The following PDS5B variants were observed in gnomAD, a reference collection of about 807,000 sequenced individuals.
PDS5B encodes the protein sister chromatid cohesion protein PDS5 homolog B.
In PDS5B, 51 loss-of-function variants were observed where a neutral mutation model predicts 184.1. The observed-to-expected ratio is 0.28, with a 90% CI of 0.22 to 0.35. PDS5B has a LOEUF of 0.35. Ranked by LOEUF, PDS5B falls within the 10% of genes least tolerant of loss-of-function variation. The pLI is 1.00. For missense variants in PDS5B, 1,180 were observed against 1,723.3 expected (o/e 0.68, Z 5.58); for synonymous variants, 566 against 569.2 (o/e 0.99, Z 0.08).
intron 23 of PDS5B, among the ~76,000 whole-genome samples, chr13:32,744,338 G>A (rs566805471): frequency 6.6e-6 from 1 of 152,220 alleles, no homozygotes; most frequent in Admixed American, 6.5e-5. Flanking sequence ...AATATTTAGG[G>A]GCAGCCTAGA....
intron 16 of PDS5B, 38 bp downstream of exon 16, chr13:32,699,907 C>T (rs761889872): frequency 1.3e-6 from 2 of 1,504,808 alleles, no homozygotes; most frequent in Admixed American, 2.7e-5. Context: ...AAAAAGCCCC[C>T]AAATCTTCTT....
At chr13:32,696,803 A>G in intron 14 of PDS5B, 51 bp from the exon 15 acceptor site, 1 of 1,323,734 alleles carries the variant, frequency 7.6e-7, no homozygotes, top group Middle Eastern at 1.8e-4. Flanking sequence ...AGTATGATGA[A>G]GTTTTCTTGT....
intron 1 of PDS5B, among the ~76,000 whole-genome samples, chr13:32,636,148 A>G (rs957688544): frequency 3.3e-5 from 5 of 152,188 alleles, no homozygotes; most frequent in African/African-American, 4.8e-5. Flanking sequence ...ACCTCTTGTC[A>G]TTGCTCTGCC....
At chr13:32,653,099 G>A (rs1385898303) in intron 3 of PDS5B, among the ~76,000 whole-genome samples, 1 of 152,126 alleles carries the variant, frequency 6.6e-6, no homozygotes, top group Non-Finnish European at 1.5e-5. Flanking sequence ...TTCGAAACCA[G>A]CCTGGCCAAC....
chr13:32,769,596 T>C (rs1341692689), intron 31 of PDS5B, among the ~76,000 whole-genome samples: 1 of 152,212 alleles, frequency 6.6e-6, no homozygotes, highest in Non-Finnish European at 1.5e-5. Context: ...TCAGAAGTGT[T>C]TCCAAAATTT....
chr13:32,691,509 A>T (rs971761764), intron 13 of PDS5B, among the ~76,000 whole-genome samples: 2 of 152,110 alleles, frequency 1.3e-5, no homozygotes, highest in African/African-American at 2.4e-5. Context: ...AATTTAATAT[A>T]CACATGCAAG....
At chr13:32,725,738 A>G (rs1312366007) in intron 19 of PDS5B, among the ~76,000 whole-genome samples, 1 of 152,212 alleles carries the variant, frequency 6.6e-6, no homozygotes, top group Non-Finnish European at 1.5e-5. Flanking sequence ...GCACAGGATA[A>G]CAACACTATA....
chr13:32,687,141 T>C lies in PDS5B; in HGVS notation c.1211T>C (p.Val404Ala), dbSNP rs1331031039. The C allele has an allele frequency of 4.4e-6, 7 of 1,600,732 alleles. No individual in the cohort carries two copies. Residue 404 changes from valine (V) to alanine (A), a missense_variant, in exon 12 of 35, where the codon GTA (valine) becomes GCA (alanine). This residue lies in a region of PDS5B where 475 missense variants were observed against 691.5 expected (regional missense o/e 0.69). Transcript: ENST00000315596. ...RERTLDKRWRVRKEAMMGLAQ... is the reference protein window; with the variant it reads ...RERTLDKRWRARKEAMMGLAQ... ...AAACTTTTTGTTTTTAAGTGGAGAG[T>C]ACGCAAAGAAGCCATGATGGGACTT...
At chr13:32,703,201 A>C (rs1362342555) in intron 17 of PDS5B, among the ~76,000 whole-genome samples, 1 of 152,260 alleles carries the variant, frequency 6.6e-6, no homozygotes, top group African/African-American at 2.4e-5. Flanking sequence ...GAATGGATTA[A>C]TCTGCTCAGA....
chr13:32,746,983 C>T (rs1218443960), intron 24 of PDS5B, among the ~76,000 whole-genome samples: 2 of 152,070 alleles, frequency 1.3e-5, no homozygotes, highest in African/African-American at 2.4e-5. Context: ...ACAACAGTAT[C>T]GAAATTTATA....
intron 19 of PDS5B, among the ~76,000 whole-genome samples, chr13:32,713,513 G>T (rs977768614): frequency 1.3e-5 from 2 of 152,122 alleles, no homozygotes; most frequent in African/African-American, 4.8e-5. Context: ...ACATGAAAAA[G>T]AGCTAAGGAT....
intron 1 of PDS5B, among the ~76,000 whole-genome samples, chr13:32,629,595 C>T (rs2058424501): frequency 6.6e-6 from 1 of 152,174 alleles, no homozygotes; most frequent in African/African-American, 2.4e-5. Context: ...CTTCACTTCT[C>T]CTCAATAGCT....
At chr13:32,692,176 C>CT (rs1469365814) in intron 13 of PDS5B, among the ~76,000 whole-genome samples, 2 of 152,012 alleles carry the variant, frequency 1.3e-5, no homozygotes, top group African/African-American at 2.4e-5. Flanking sequence ...ATTTTATTCT[C>CT]TGACTACTTT....
At chr13:32,601,810 G>A (rs1216185601) in intron 1 of PDS5B, among the ~76,000 whole-genome samples, 1 of 152,156 alleles carries the variant, frequency 6.6e-6, no homozygotes, top group Admixed American at 6.6e-5. Context: ...TTAAAGAAAA[G>A]GTATATTCAA....
chr13:32,662,868 A>G (rs1950684961), intron 6 of PDS5B, among the ~76,000 whole-genome samples: 1 of 152,186 alleles, frequency 6.6e-6, no homozygotes, highest in Non-Finnish European at 1.5e-5. Flanking sequence ...ATCACAAAAA[A>G]GGAAATGGTG....
intron 1 of PDS5B, among the ~76,000 whole-genome samples, chr13:32,643,883 C>T (rs1035534133): frequency 1.3e-5 from 2 of 152,154 alleles, no homozygotes; most frequent in Non-Finnish European, 2.9e-5. Flanking sequence ...ACAGGAGGAA[C>T]ACAGATTTTT....
intron 19 of PDS5B, among the ~76,000 whole-genome samples, chr13:32,717,067 G>C (rs1226955151): frequency 3.8e-5 from 5 of 130,726 alleles, no homozygotes; most frequent in Admixed American, 1.5e-4. Context: ...GGAGGGAGGT[G>C]GGGGGGTCAG....
Position 32,586,572 on chromosome 13 carries a change from G to C in PDS5B, c.-41G>C, listed in dbSNP as rs1307008898. ...CCCGGAGAGCCCCGGAGTGAGCGGA[G>C]TAGCGAGTCGGCAACCCGGAGGTAG... On this transcript the variant is annotated 5_prime_UTR_variant, in exon 1 of 35. Coordinates refer to ENST00000315596, the MANE Select transcript of PDS5B (RefSeq NM_015032.4). The C allele has an allele frequency of 6.6e-6, 1 of 152,270 alleles. No homozygotes were observed. The highest frequency in any genetic ancestry group is 1.9e-4 in the East Asian group (1 of 5,148). 9.4% of individuals were successfully genotyped at this position (152,270 alleles called of 1,614,324 possible). A position where few individuals can be genotyped will look rare whatever the true frequency, so the allele number is the denominator to read the frequency against.
intron 10 of PDS5B, among the ~76,000 whole-genome samples, chr13:32,680,981 T>G (rs1341314245): frequency 6.6e-6 from 1 of 152,202 alleles, no homozygotes; most frequent in Non-Finnish European, 1.5e-5. Flanking sequence ...GAATTTCTCT[T>G]TCACTGAATT....
Sources: gnomAD v4.1 joint callset for allele counts (sites outside exome capture counted in the v4.1 genomes callset) on GRCh38, gnomAD v4.1.1 for gene constraint, gnomAD v4.1.1 regional missense constraint, MANE v1.5 for transcripts, NCBI Gene and HGNC (gene_info 2026-07-23, HGNC 2026-07-21) for gene names.